MYOM1: variants seen among roughly 807,000 people sequenced by gnomAD.
MYOM1 encodes the protein myomesin-1.
A neutral mutation model predicts 205.3 loss-of-function variants in MYOM1; 164 were observed. That is an observed-to-expected ratio of 0.80 (90% CI 0.70 to 0.91). The LOEUF (loss-of-function observed/expected upper bound fraction) is 0.91, where lower values mean the gene tolerates loss of function less well. Ranked by LOEUF, MYOM1 falls within the 40% of genes least tolerant of loss-of-function variation. The pLI is 0.00. For missense variants in MYOM1, 2,011 were observed against 2,127.3 expected, an observed-to-expected ratio of 0.95 and a Z score of 1.08; for synonymous variants, 772 against 789.4, an observed-to-expected ratio of 0.98 and a Z score of 0.37.
At chr18:3,119,353 G>C (rs2079652009) in intron 20 of MYOM1, among the ~76,000 whole-genome samples, 2 of 152,200 alleles carry the variant, frequency 1.3e-5, no homozygotes, top group South Asian at 4.1e-4. Flanking sequence ...ATGATGAAGA[G>C]CTGGGAGGAG....
chr18:3,230,448 G>C, the MYOM1 span, among the ~76,000 whole-genome samples: 1 of 152,248 alleles, frequency 6.6e-6, no homozygotes, highest in African/African-American at 2.4e-5. Context: ...ATGAAAAATT[G>C]AAAGTGCCTC....
In MYOM1 at chr18:3,215,149, G is replaced by C. The variant is rs763316478; in HGVS notation, c.75C>G (p.Thr25=). ...TCTTCTCCCGCTGGTAGTGACTCAC[G>C]GTGCTGCGCACGTCCTTGTTGCGGT... is the stretch of plus-strand genomic sequence containing the variant. ...LSYRNKDVRS[T]VSHYQREKKR... The change falls in exon 2 of 38, where the codon ACC becomes ACG. Residue 25 remains threonine (T), a synonymous_variant. Transcript: ENST00000356443. 2 of 1,613,734 alleles carry C rather than the reference G, an allele frequency of 1.2e-6. No individual in the cohort carries two copies. The highest frequency in any genetic ancestry group is 1.7e-6 in the Non-Finnish European group (2 of 1,179,834).
chr18:3,131,555 G>A, intron 16 of MYOM1, 59 bp from the exon 17 acceptor site: 9 of 1,504,480 alleles, frequency 6.0e-6, no homozygotes, highest in Non-Finnish European at 8.2e-6. Flanking sequence ...GAAGATGATT[G>A]TTAGCTTAAT....
upstream of MYOM1, among the ~76,000 whole-genome samples, chr18:3,222,114 C>G (rs1417249110): frequency 6.6e-6 from 1 of 152,180 alleles, no homozygotes; most frequent in Non-Finnish European, 1.5e-5. Context: ...GCTAACCACT[C>G]CATTAAGTTT....
intron 13 of MYOM1, among the ~76,000 whole-genome samples, chr18:3,144,074 C>T (rs951426599): frequency 7.9e-5 from 12 of 151,652 alleles, no homozygotes; most frequent in African/African-American, 2.2e-4. Context: ...GGCATTGTGG[C>T]GGGCATCTGT....
At chr18:3,110,545 G>C (rs183764712) in intron 22 of MYOM1, among the ~76,000 whole-genome samples, 1 of 152,222 alleles carries the variant, frequency 6.6e-6, no homozygotes, top group East Asian at 1.9e-4. Flanking sequence ...TAATAAATTA[G>C]CTATTATATA....
At chr18:3,176,526 A>G (rs1048823907) in intron 5 of MYOM1, among the ~76,000 whole-genome samples, 4 of 152,226 alleles carry the variant, frequency 2.6e-5, no homozygotes, top group Non-Finnish European at 4.4e-5. Context: ...GGACGCAAGA[A>G]GGAGGCTTCT....
Position 3,189,446 on chromosome 18 carries a change from G to T in MYOM1, c.432-359C>A, listed in dbSNP as rs2080875246. Among the ~76,000 whole-genome samples, 1 of 151,724 alleles carries T rather than the reference G, an allele frequency of 6.6e-6. No homozygotes were observed. The highest frequency in any genetic ancestry group is 2.4e-5 in the African/African-American group (1 of 41,298). ...GCGATCTCAGCTCACTGCAACCTTG[G>T]CCTCCTTGTTCAAGCAATTCTCCTG... On this transcript the variant is annotated intron_variant, in intron 3 of 37. Transcript: ENST00000356443. The surrounding 1 kb of genome is among the most constrained non-coding windows in gnomAD (Gnocchi z 4.8).
At chr18:3,196,867 G>A (rs192256503) in intron 2 of MYOM1, among the ~76,000 whole-genome samples, 48 of 152,278 alleles carry the variant, frequency 3.2e-4, no homozygotes, top group African/African-American at 1.1e-3. Flanking sequence ...TTCAAATACT[G>A]AACAGAAAAT....
At chr18:3,089,741 A>G in intron 27 of MYOM1, 145 bp from the exon 28 acceptor site, 1 of 541,952 alleles carries the variant, frequency 1.8e-6, no homozygotes, top group South Asian at 3.5e-5. Context: ...TTATAGATGA[A>G]GAAATAGGCT....
chr18:3,162,829 T>A (rs1211079862), intron 10 of MYOM1, among the ~76,000 whole-genome samples: 2 of 151,826 alleles, frequency 1.3e-5, no homozygotes, highest in East Asian at 3.9e-4. Flanking sequence ...ATCGAGACCA[T>A]CCTGGCTAAC....
At chr18:3,112,797 T>TC (rs1055254694) in intron 21 of MYOM1, among the ~76,000 whole-genome samples, 9 of 152,162 alleles carry the variant, frequency 5.9e-5, no homozygotes, top group African/African-American at 2.2e-4. Flanking sequence ...ATGTCGCTTT[T>TC]CCCCCCAATC....
At chr18:3,203,897 C>T (rs1486551734) in intron 2 of MYOM1, among the ~76,000 whole-genome samples, 2 of 151,666 alleles carry the variant, frequency 1.3e-5, no homozygotes, top group Non-Finnish European at 3.0e-5. Context: ...GAAATGGAAT[C>T]CAGCAACATA....
At chr18:3,185,124 C>T (rs887009718) in intron 5 of MYOM1, among the ~76,000 whole-genome samples, 1 of 152,108 alleles carries the variant, frequency 6.6e-6, no homozygotes, top group African/African-American at 2.4e-5. Flanking sequence ...TTTTTAATTA[C>T]TTTTTTTCCA....
At chr18:3,200,600 A>C (rs2081053252) in intron 2 of MYOM1, among the ~76,000 whole-genome samples, 1 of 152,204 alleles carries the variant, frequency 6.6e-6, no homozygotes, top group Non-Finnish European at 1.5e-5. Context: ...ACAAATGAAA[A>C]TTTCTTAGAG....
intron 20 of MYOM1, among the ~76,000 whole-genome samples, chr18:3,116,727 G>A (rs560222507): frequency 5.3e-5 from 8 of 152,284 alleles, no homozygotes; most frequent in African/African-American, 1.9e-4. Flanking sequence ...AAGGGTGGCA[G>A]GTAGGTAAGG....
At chr18:3,079,443 T>C in intron 33 of MYOM1, 101 bp from the exon 34 acceptor site, 1 of 1,290,730 alleles carries the variant, frequency 7.7e-7, no homozygotes, top group South Asian at 1.7e-5. Context: ...TTTGTAGGCT[T>C]TCAAAAAACG....
In MYOM1 at chr18:3,085,232, T is replaced by C. The variant is rs1465272120; in HGVS notation, c.4252-100A>G. On this transcript the variant is annotated intron_variant, in intron 30 of 37. Transcript: ENST00000356443. ...TCTGCTTCTTCTGCTGCTGCTGCTTTTTTTTTTTTTTTTTTTTTTTTTTTT... is the reference window on the plus strand; with the variant it reads ...TCTGCTTCTTCTGCTGCTGCTGCTTCTTTTTTTTTTTTTTTTTTTTTTTTT... 87 of 4,118 alleles carry C rather than the reference T, an allele frequency of 0.021. 1 individual carries two copies. The South Asian group carries it at 0.32, about 15-fold the overall frequency. The allele number at this position is 4,118 out of a possible 1,614,324, so 0.3% of individuals were successfully genotyped here.
chr18:3,177,245 A>T (rs943007451), intron 5 of MYOM1, among the ~76,000 whole-genome samples: 1 of 150,110 alleles, frequency 6.7e-6, no homozygotes, highest in African/African-American at 2.5e-5. Context: ...TCTTAAAATA[A>T]ATAAAACAAA....
Sources: gnomAD v4.1 joint callset for allele counts (sites outside exome capture counted in the v4.1 genomes callset) on GRCh38, gnomAD v4.1.1 for gene constraint, Gnocchi (gnomAD v3.1) non-coding constraint, MANE v1.5 for transcripts, NCBI Gene and HGNC (gene_info 2026-07-23, HGNC 2026-07-21) for gene names.